RPE65: variants seen among roughly 807,000 people sequenced by gnomAD.
RPE65 encodes the protein retinoid isomerohydrolase.
RPE65 carries 58 observed loss-of-function variants against 68.5 expected under a neutral mutation model. The observed-to-expected ratio is 0.85, with a 90% confidence interval of 0.69 to 1.05. The LOEUF (loss-of-function observed/expected upper bound fraction) is 1.05. Ranked by LOEUF, RPE65 falls within the 50% of genes least tolerant of loss-of-function variation. The probability of loss-of-function intolerance (pLI) is 0.00; values close to 1 mark genes in which losing one functional copy is unlikely to be tolerated. For missense variants in RPE65, 643 were observed against 629.9 expected (o/e 1.02, Z -0.22); for synonymous variants, 220 against 222.2 (o/e 0.99, Z 0.09).
In RPE65 at chr1:68,429,717, C is replaced by A; in HGVS notation, c.*59G>T. On this transcript the variant is annotated 3_prime_UTR_variant, in exon 14 of 14. Transcript: ENST00000262340. Reference sequence around the variant, plus strand: ...GCTAAAATTGAACAGAATTTGATTGCAGACCTGAAGCTGATTTTCTCAGTT... The same window carrying A: ...GCTAAAATTGAACAGAATTTGATTGAAGACCTGAAGCTGATTTTCTCAGTT... 1.9e-6 allele frequency: 3 copies of A among 1,605,850 alleles called. No homozygotes were observed. The Admixed American group carries it at 5.0e-5, about 27-fold the overall frequency.
intron 9 of RPE65, among the ~76,000 whole-genome samples, 181 bp downstream of exon 9, chr1:68,438,761 A>G (rs957725526): frequency 6.6e-6 from 1 of 152,192 alleles, no homozygotes; most frequent in Non-Finnish European, 1.5e-5. Context: ...TTCAATCATT[A>G]ATCATAGTTT....
At chr1:68,438,097 A>T in intron 10 of RPE65, 90 bp downstream of exon 10, 3 of 1,515,212 alleles carry the variant, frequency 2.0e-6, no homozygotes, top group Non-Finnish European at 2.7e-6. Context: ...AAATTTCAAG[A>T]CTTTATGTAT....
chr1:68,442,323 A>G (rs968327237), intron 5 of RPE65, among the ~76,000 whole-genome samples: 1 of 152,192 alleles, frequency 6.6e-6, no homozygotes, highest in Non-Finnish European at 1.5e-5. Context: ...AGGGAGTGGG[A>G]ATCCTAATGT....
rs1645805682 is a variant in RPE65, at chr1:68,429,609, G to A, written c.*167C>T. Reference sequence around the variant, plus strand: ...TACGTACTTTTTTTTTTAAATAAAGGAATTGCTTGCTCAACTCAGTGCTTT... The same window carrying A: ...TACGTACTTTTTTTTTTAAATAAAGAAATTGCTTGCTCAACTCAGTGCTTT... On this transcript the variant is annotated 3_prime_UTR_variant, in exon 14 of 14. Transcript: ENST00000262340. 39 of 699,572 alleles carry A rather than the reference G, an allele frequency of 5.6e-5. 1 individual carries two copies. In the South Asian group the frequency reaches 6.7e-4, roughly 12 times the overall value. The allele number at this position is 699,572 out of a possible 1,614,324, so 43.3% of individuals were successfully genotyped here.
At position 68,444,769 on chromosome 1, in the gene RPE65, C is replaced by T. The variant is rs773557127; in HGVS notation, c.353+7G>A. 3.1e-6 allele frequency: 5 copies of T among 1,614,086 alleles called. No homozygotes were observed. In the East Asian group the frequency reaches 1.1e-4, roughly 36 times the overall value. Reference sequence around the variant, plus strand: ...TCTTGAGTAACATTCAGTTTGGGTTCAGTAACCTGGAAAATATATTCTTGC... The same window carrying T: ...TCTTGAGTAACATTCAGTTTGGGTTTAGTAACCTGGAAAATATATTCTTGC... On this transcript the variant is annotated splice_region_variant and intron_variant, in intron 4 of 13. Transcript: ENST00000262340.
In RPE65 at chr1:68,429,193, A is replaced by G. The variant is rs1297169600; in HGVS notation, c.*583T>C. On this transcript the variant is annotated 3_prime_UTR_variant, in exon 14 of 14. Coordinates refer to ENST00000262340, the MANE Select transcript of RPE65 (RefSeq NM_000329.3). Reference sequence around the variant, plus strand: ...ATTTTCTTATTATAAAATCAGAAATAATAGTACTTGCTTGTAATAAACGGA... The same window carrying G: ...ATTTTCTTATTATAAAATCAGAAATGATAGTACTTGCTTGTAATAAACGGA... 2 of 152,728 alleles carry G rather than the reference A, an allele frequency of 1.3e-5. No individual in the cohort carries two copies. The highest frequency in any genetic ancestry group is 2.9e-5 in the Non-Finnish European group (2 of 68,452). 9.5% of individuals were successfully genotyped at this position (152,728 alleles called of 1,614,324 possible).
intron 10 of RPE65, among the ~76,000 whole-genome samples, chr1:68,432,844 C>T (rs1645836573): frequency 6.6e-6 from 1 of 152,078 alleles, no homozygotes; most frequent in South Asian, 2.1e-4. Flanking sequence ...TGAAAGAAAA[C>T]AATGGTTCAC....
chr1:68,433,023 G>T (rs1645837543), intron 10 of RPE65, among the ~76,000 whole-genome samples: 4 of 152,164 alleles, frequency 2.6e-5, no homozygotes. Context: ...TCACAACAAA[G>T]ATAGGAACTA....
rs1045028824 is a variant in RPE65 at position 68,442,200 on chromosome 1, C to T, written c.496-1200G>A. Among the ~76,000 whole-genome samples, 6 of 152,274 alleles carry T rather than the reference C, an allele frequency of 3.9e-5. No individual in the cohort carries two copies. In the South Asian group the frequency reaches 1.0e-3, roughly 26 times the overall value. ...AGTGTGCAATGGCATCGTAGAGAAG[C>T]GCCATCTAGCCCAGACTGAGGGATG... is the stretch of plus-strand genomic sequence containing the variant. On this transcript the variant is annotated intron_variant, in intron 5 of 13. Transcript: ENST00000262340.
In RPE65 at chr1:68,429,783, T is replaced by A; in HGVS notation, c.1595A>T (p.Lys532Ile). ...TATCTTGCTGGAGTATGCTCAAGAT[T>A]TTTTGAACAGTCCATGAAAGGTGAC... ...IPVTFHGLFKKS is the reference protein window; with the variant it reads ...IPVTFHGLFKIS Residue 532 changes from lysine (K) to isoleucine (I), a missense_variant, in exon 14 of 14, where the codon AAA becomes ATA. Transcript: ENST00000262340. 6 of 1,613,566 alleles carry A rather than the reference T, an allele frequency of 3.7e-6. No homozygotes were observed. Among genetic ancestry groups the A allele is most frequent in the Non-Finnish European group, 5.1e-6 (6 of 1,179,642 alleles).
chr1:68,445,442 A>G (rs1645936039), intron 3 of RPE65, among the ~76,000 whole-genome samples: 1 of 152,140 alleles, frequency 6.6e-6, no homozygotes, highest in African/African-American at 2.4e-5. Flanking sequence ...ATCTTAGAGT[A>G]GACAGCATAC....
intron 1 of RPE65, among the ~76,000 whole-genome samples, chr1:68,449,543 T>G (rs1014897015): frequency 6.6e-6 from 1 of 152,224 alleles, no homozygotes; most frequent in Admixed American, 6.5e-5. Flanking sequence ...TAAAAGCTAT[T>G]GTGACATCTT....
rs1431557489 is a variant in RPE65, at chr1:68,428,886, T to A, written c.*890A>T. On this transcript the variant is annotated 3_prime_UTR_variant, in exon 14 of 14. Transcript: ENST00000262340. Reference sequence around the variant, plus strand: ...GAAAAGAAATTTAAAAACAAAAGGCTTAAAATGTATTAATACCTCAATGTT... The same window carrying A: ...GAAAAGAAATTTAAAAACAAAAGGCATAAAATGTATTAATACCTCAATGTT... The A allele has an allele frequency of 6.6e-6, 1 of 152,154 alleles. No individual in the cohort carries two copies. The highest frequency in any genetic ancestry group is 2.4e-5 in the African/African-American group (1 of 41,466). 9.4% of individuals were successfully genotyped at this position (152,154 alleles called of 1,614,324 possible).
intron 7 of RPE65, 63 bp downstream of exon 7, chr1:68,439,498 G>A (rs1318133147): frequency 6.4e-7 from 1 of 1,574,646 alleles, no homozygotes; most frequent in East Asian, 2.2e-5. Flanking sequence ...GGTATCAAAG[G>A]TAGGCAAAGC....
At chr1:68,445,671 G>A (rs1291532681) in intron 3 of RPE65, among the ~76,000 whole-genome samples, 7 of 151,930 alleles carry the variant, frequency 4.6e-5, no homozygotes, top group South Asian at 2.1e-4. Context: ...GTACCACCAC[G>A]CCCGGCTAAT....
chr1:68,440,636 A>ACTTG (rs1410098941), intron 6 of RPE65, among the ~76,000 whole-genome samples: 1 of 152,322 alleles, frequency 6.6e-6, no homozygotes, highest in South Asian at 2.1e-4. Flanking sequence ...GAACTTGGAC[A>ACTTG]CTTGCTTTCT....
chr1:68,445,798 G>C (rs1409129331), intron 3 of RPE65, among the ~76,000 whole-genome samples: 1 of 152,004 alleles, frequency 6.6e-6, no homozygotes, highest in Non-Finnish European at 1.5e-5. Flanking sequence ...TTACAGATGT[G>C]AGCCACCCAC....
intron 3 of RPE65, among the ~76,000 whole-genome samples, chr1:68,445,602 C>T (rs1645937363): frequency 6.6e-6 from 1 of 152,238 alleles, no homozygotes; most frequent in Non-Finnish European, 1.5e-5. Context: ...CAACCTCCGC[C>T]TCCTGGGTTC....
At chr1:68,433,977 G>A (rs11581095) in intron 10 of RPE65, among the ~76,000 whole-genome samples, 39,714 of 151,736 alleles carry the variant, frequency 0.26, 6,780 homozygotes, top group Middle Eastern at 0.47. Context: ...GTTCCTGGTG[G>A]AAATTGCAGT....
Sources: gnomAD v4.1 joint callset for allele counts (sites outside exome capture counted in the v4.1 genomes callset) on GRCh38, gnomAD v4.1.1 for gene constraint, MANE v1.5 for transcripts, NCBI Gene and HGNC (gene_info 2026-07-23, HGNC 2026-07-21) for gene names.